GRIA2: variants seen among roughly 807,000 people sequenced by gnomAD.
The protein encoded by GRIA2 is glutamate ionotropic receptor AMPA type subunit 2.
In GRIA2, 14 loss-of-function variants were observed where a neutral mutation model predicts 97.3. The ratio of observed to expected loss-of-function variants is 0.14; its 90% confidence interval spans 0.10 to 0.23. GRIA2 has a LOEUF of 0.23. Ranked by LOEUF, GRIA2 falls within the 10% of genes least tolerant of loss-of-function variation. The probability of loss-of-function intolerance (pLI) is 1.00; values close to 1 mark genes in which losing one functional copy is unlikely to be tolerated. For synonymous variants in GRIA2, 412 were observed against 387.8 expected (o/e 1.06, Z -0.73); for missense variants, 558 against 1,069.8 (o/e 0.52, Z 6.67).
chr4:157,254,857 G>T (rs555669050), intron 2 of GRIA2, among the ~76,000 whole-genome samples: 2 of 152,146 alleles, frequency 1.3e-5, no homozygotes, highest in South Asian at 4.2e-4. Context: ...CACCAATCAT[G>T]AATTAGTTAA....
intron 11 of GRIA2, among the ~76,000 whole-genome samples, chr4:157,338,330 T>C (rs561558492): frequency 6.6e-6 from 1 of 151,582 alleles, no homozygotes; most frequent in East Asian, 2.0e-4. Flanking sequence ...TAGGGAGAAG[T>C]GTATGTGGGT....
At position 157,345,829 on chromosome 4, in the gene GRIA2, A is replaced by G. The variant is rs190244074; in HGVS notation, c.2043+4367A>G. Among the ~76,000 whole-genome samples, 52 of 152,270 alleles carry G rather than the reference A, an allele frequency of 3.4e-4. 1 individual carries two copies. The highest frequency in any genetic ancestry group is 3.4e-3 in the Admixed American group (52 of 15,278). ...GGTCTACTTTGTTGATAATTTTGGA[A>G]GAAAAAAATTCTAAACATTGCATTG... On this transcript the variant is annotated intron_variant, in intron 12 of 15. Coordinates refer to ENST00000264426, the MANE Select transcript of GRIA2 (RefSeq NM_001083619.3).
At chr4:157,348,902 G>A (rs904248271) in intron 12 of GRIA2, among the ~76,000 whole-genome samples, 1 of 152,146 alleles carries the variant, frequency 6.6e-6, no homozygotes, top group Non-Finnish European at 1.5e-5. Context: ...ATACAAATAT[G>A]AAATATATAA....
chr4:157,249,356 C>A (rs1307802661), intron 2 of GRIA2: 1 of 152,140 alleles, frequency 6.6e-6, no homozygotes, highest in Non-Finnish European at 1.5e-5. Context: ...GCACTGTGAA[C>A]CCTTTCTGGA....
At chr4:157,226,921 A>C (rs1019362152) in intron 2 of GRIA2, among the ~76,000 whole-genome samples, 1 of 152,138 alleles carries the variant, frequency 6.6e-6, no homozygotes, top group South Asian at 2.1e-4. Context: ...GATTTTGAGG[A>C]AATGCCTCTT....
chr4:157,276,530 G>A (rs1489230855), intron 2 of GRIA2, among the ~76,000 whole-genome samples: 1 of 151,714 alleles, frequency 6.6e-6, no homozygotes, highest in African/African-American at 2.4e-5. Context: ...AATAAAAAAT[G>A]GAGCAGAAAG....
chr4:157,306,289 G>C (rs2126872446), intron 3 of GRIA2, among the ~76,000 whole-genome samples: 1 of 152,196 alleles, frequency 6.6e-6, no homozygotes, highest in South Asian at 2.1e-4. Flanking sequence ...TAGTGTGTGA[G>C]GAGAGATACT....
chr4:157,356,223 A>T (rs1579390928), intron 12 of GRIA2, among the ~76,000 whole-genome samples: 1 of 140,222 alleles, frequency 7.1e-6, no homozygotes, highest in Admixed American at 8.0e-5. Flanking sequence ...ATATAGAGAG[A>T]GAGAGTTTAA....
At chr4:157,363,366 C>G in intron 15 of GRIA2, 69 bp from the exon 16 acceptor site, 5 of 1,047,536 alleles carry the variant, frequency 4.8e-6, no homozygotes, top group Non-Finnish European at 6.1e-6. Context: ...CCCTGCCTTT[C>G]CTCTGGATGC....
chr4:157,300,166 T>C (rs1406974491), intron 2 of GRIA2, among the ~76,000 whole-genome samples: 2 of 152,026 alleles, frequency 1.3e-5, no homozygotes, highest in African/African-American at 4.8e-5. Context: ...GGAGGCATCA[T>C]TGGGGAATAA....
intron 12 of GRIA2, among the ~76,000 whole-genome samples, chr4:157,355,450 G>A (rs1736208889): frequency 1.3e-5 from 2 of 150,156 alleles, no homozygotes; most frequent in Admixed American, 1.3e-4. Context: ...ATTGCTTGAA[G>A]CCAAGAGGCA....
At chr4:157,278,117 A>C (rs1732430611) in intron 2 of GRIA2, among the ~76,000 whole-genome samples, 1 of 151,592 alleles carries the variant, frequency 6.6e-6, no homozygotes, top group Non-Finnish European at 1.5e-5. Context: ...TAACAAACTT[A>C]TTTTAAAGTT....
At chr4:157,292,146 C>G (rs1307001601) in intron 2 of GRIA2, among the ~76,000 whole-genome samples, 1 of 151,716 alleles carries the variant, frequency 6.6e-6, no homozygotes, top group African/African-American at 2.4e-5. Flanking sequence ...AAATGCAAAA[C>G]AATAGGTACA....
chr4:157,341,384 A>C lies in GRIA2; in HGVS notation c.1965A>C (p.Glu655Asp). ...LTVERMVSPI[E>D]SAEDLSKQTE... ...TAGAGAGGATGGTGTCTCCCATCGA[A>C]AGTGCTGAGGATCTTTCTAAGCAAA... is the stretch of plus-strand genomic sequence containing the variant. The change falls in exon 12 of 16, where the codon GAA becomes GAC. Residue 655 changes from glutamate (E) to aspartate (D), a missense_variant. Physicochemically the swap from Glu to Asp is conservative, Grantham distance 45. Coordinates refer to ENST00000264426, the MANE Select transcript of GRIA2 (RefSeq NM_001083619.3). The C allele has an allele frequency of 6.2e-7, 1 of 1,612,762 alleles. No individual in the cohort carries two copies. Among genetic ancestry groups the C allele is most frequent in the Non-Finnish European group, 8.5e-7 (1 of 1,178,918 alleles).
chr4:157,349,247 C>T (rs1296887598), intron 12 of GRIA2, among the ~76,000 whole-genome samples: 1 of 151,984 alleles, frequency 6.6e-6, no homozygotes, highest in Non-Finnish European at 1.5e-5. Context: ...TACAAGGGGC[C>T]CATTCTGTCT....
chr4:157,252,068 CA>C, intron 2 of GRIA2, among the ~76,000 whole-genome samples: 1 of 152,212 alleles, frequency 6.6e-6, no homozygotes, highest in Non-Finnish European at 1.5e-5. Flanking sequence ...CACACACTCA[CA>C]AAAAATCCCT....
At chr4:157,317,842 G>A in intron 5 of GRIA2, 131 bp downstream of exon 5, 1 of 486,178 alleles carries the variant, frequency 2.1e-6, no homozygotes, top group South Asian at 2.6e-5. Flanking sequence ...CAGGTGTAGT[G>A]GTGGGCACCT....
At chr4:157,303,855 A>G in intron 3 of GRIA2, 64 bp downstream of exon 3, 1 of 1,513,642 alleles carries the variant, frequency 6.6e-7, no homozygotes, top group Non-Finnish European at 9.2e-7. Flanking sequence ...TGACACTTCT[A>G]TGGATGTTAT....
At chr4:157,220,591 G>C (rs539260589), upstream of GRIA2, 1 of 152,980 alleles carries the variant, frequency 6.5e-6, no homozygotes, top group Non-Finnish European at 1.5e-5. Context: ...CGCGAGTCGC[G>C]CACGCGCGCC....
Sources: gnomAD v4.1 joint callset for allele counts (sites outside exome capture counted in the v4.1 genomes callset) on GRCh38, gnomAD v4.1.1 for gene constraint, MANE v1.5 for transcripts, NCBI Gene and HGNC (gene_info 2026-07-23, HGNC 2026-07-21) for gene names.